IMMP2L: variants seen among roughly 807,000 people sequenced by gnomAD.
The protein encoded by IMMP2L is mitochondrial inner membrane protease subunit 2.
Under a neutral mutation model 19.3 loss-of-function variants are expected in IMMP2L, and 18 were observed. The ratio of observed to expected loss-of-function variants is 0.93; its 90% CI spans 0.64 to 1.38. The LOEUF (loss-of-function observed/expected upper bound fraction) is 1.38. Among genes scored for constraint, IMMP2L ranks in the 40% most tolerant of loss-of-function variants. The pLI, the probability that IMMP2L is intolerant of heterozygous loss-of-function variation, is 0.00. For missense variants in IMMP2L, 233 were observed against 218.2 expected (o/e 1.07, Z -0.43); for synonymous variants, 76 against 73.0 (o/e 1.04, Z -0.21).
intron 3 of IMMP2L, among the ~76,000 whole-genome samples, chr7:111,206,803 C>T (rs1810758935): frequency 6.6e-6 from 1 of 151,968 alleles, no homozygotes; most frequent in Admixed American, 6.6e-5. Flanking sequence ...TTTCATCTCC[C>T]AAGCAAGAGA....
At chr7:111,321,518 T>A (rs558190432) in intron 3 of IMMP2L, among the ~76,000 whole-genome samples, 1 of 151,920 alleles carries the variant, frequency 6.6e-6, no homozygotes, top group African/African-American at 2.4e-5. Context: ...ACAATCTTTT[T>A]TTTTCTCTAA....
chr7:110,781,538 G>C (rs561734155), intron 5 of IMMP2L, among the ~76,000 whole-genome samples: 44 of 151,698 alleles, frequency 2.9e-4, no homozygotes, highest in East Asian at 2.7e-3. Context: ...TATTGAGTCA[G>C]TATATTTTTT....
At chr7:111,089,269 AATCATGT>A (rs1167626864) in intron 3 of IMMP2L, among the ~76,000 whole-genome samples, 1 of 152,162 alleles carries the variant, frequency 6.6e-6, no homozygotes, top group Non-Finnish European at 1.5e-5. Flanking sequence ...AGAGGAGTTT[AATCATGT>A]ATCTGACTAT....
chr7:110,932,776 G>A (rs566117474), intron 4 of IMMP2L, among the ~76,000 whole-genome samples: 1 of 152,164 alleles, frequency 6.6e-6, no homozygotes, highest in East Asian at 1.9e-4. Context: ...TTAATACTGA[G>A]GTACTCCCTA....
intron 3 of IMMP2L, among the ~76,000 whole-genome samples, chr7:111,048,760 T>C (rs1378577333): frequency 6.6e-6 from 1 of 152,152 alleles, no homozygotes; most frequent in Non-Finnish European, 1.5e-5. Context: ...GACAACTTGG[T>C]CAGAGCAGGA....
chr7:111,138,350 T>C (rs1802544759), intron 3 of IMMP2L, among the ~76,000 whole-genome samples: 1 of 152,060 alleles, frequency 6.6e-6, no homozygotes, highest in Admixed American at 6.6e-5. Context: ...ATAAAGAAAA[T>C]AACCAAAAGC....
At chr7:111,329,755 T>C (rs1394852902) in intron 3 of IMMP2L, among the ~76,000 whole-genome samples, 1 of 151,732 alleles carries the variant, frequency 6.6e-6, no homozygotes, top group Non-Finnish European at 1.5e-5. Context: ...AAAGAAAATT[T>C]AAAAATTGGA....
intron 5 of IMMP2L, among the ~76,000 whole-genome samples, chr7:110,849,418 C>T (rs1805982678): frequency 6.6e-6 from 1 of 151,990 alleles, no homozygotes; most frequent in African/African-American, 2.4e-5. Context: ...ATAGGAAAAA[C>T]ATTTGCCCCA....
At chr7:111,474,275 C>T (rs1010180264) in intron 3 of IMMP2L, among the ~76,000 whole-genome samples, 43 of 152,046 alleles carry the variant, frequency 2.8e-4, no homozygotes, top group African/African-American at 9.7e-4. Flanking sequence ...CTCAGCATCA[C>T]ACAATATACC....
chr7:110,749,148 C>CTGG, intron 5 of IMMP2L, among the ~76,000 whole-genome samples: 1 of 152,174 alleles, frequency 6.6e-6, no homozygotes, highest in Admixed American at 6.5e-5. Context: ...TGAAACAGAG[C>CTGG]TCATCATCAC....
chr7:111,411,649 C>T (rs760505558), intron 3 of IMMP2L: 2 of 245,530 alleles, frequency 8.1e-6, no homozygotes, highest in Non-Finnish European at 1.7e-5. Flanking sequence ...AATCTGTCCA[C>T]CATTGCATCA....
intron 2 of IMMP2L, among the ~76,000 whole-genome samples, chr7:111,503,718 A>C (rs892314577): frequency 1.3e-5 from 2 of 152,110 alleles, no homozygotes; most frequent in Non-Finnish European, 2.9e-5. Context: ...AAAGACAAAA[A>C]CCACATGATT....
chr7:111,546,443 C>G (rs1478707757), intron 1 of IMMP2L, among the ~76,000 whole-genome samples: 2 of 152,012 alleles, frequency 1.3e-5, no homozygotes, highest in African/African-American at 2.4e-5. Flanking sequence ...CTCTTTGTAT[C>G]TTTGTCCATT....
intron 5 of IMMP2L, among the ~76,000 whole-genome samples, chr7:110,772,714 A>G (rs1799116586): frequency 6.6e-6 from 1 of 152,140 alleles, no homozygotes; most frequent in Non-Finnish European, 1.5e-5. Flanking sequence ...CTTGACTGCA[A>G]TGAGATAGGA....
chr7:111,440,578 G>A (rs1837614988), intron 3 of IMMP2L, among the ~76,000 whole-genome samples: 1 of 151,814 alleles, frequency 6.6e-6, no homozygotes, highest in Non-Finnish European at 1.5e-5. Context: ...TCTAGGCTTT[G>A]TTGTTCCATT....
At chr7:111,364,427 A>G (rs1052008868) in intron 3 of IMMP2L, among the ~76,000 whole-genome samples, 2 of 152,202 alleles carry the variant, frequency 1.3e-5, no homozygotes, top group South Asian at 2.1e-4. Context: ...GTGAAATTAC[A>G]TAATGTGTCT....
chr7:111,192,632 C>A (rs1809015422), intron 3 of IMMP2L, among the ~76,000 whole-genome samples: 1 of 152,038 alleles, frequency 6.6e-6, no homozygotes, highest in South Asian at 2.1e-4. Flanking sequence ...TTATGAAGTG[C>A]CTTGTCCATC....
chr7:110,787,884 T>C (rs1369787600), intron 5 of IMMP2L, among the ~76,000 whole-genome samples: 1 of 151,226 alleles, frequency 6.6e-6, no homozygotes, highest in Middle Eastern at 3.2e-3. Context: ...GAGAATGGAG[T>C]AGGCTCTTCT....
intron 5 of IMMP2L, among the ~76,000 whole-genome samples, chr7:110,737,882 G>A (rs766561785): frequency 6.6e-6 from 1 of 152,160 alleles, no homozygotes; most frequent in Non-Finnish European, 1.5e-5. Flanking sequence ...TACATCACAG[G>A]AGTCTTTGTA....
Sources: gnomAD v4.1 joint callset for allele counts (sites outside exome capture counted in the v4.1 genomes callset) on GRCh38, gnomAD v4.1.1 for gene constraint, MANE v1.5 for transcripts, NCBI Gene and HGNC (gene_info 2026-07-23, HGNC 2026-07-21) for gene names.